The following BCAT1 variants were observed in gnomAD, a reference collection of about 807,000 sequenced individuals.
BCAT1 encodes branched chain amino acid transaminase 1.
BCAT1 carries 48 observed loss-of-function variants against 52.4 expected under a neutral mutation model. That is an observed-to-expected ratio of 0.92 (90% CI 0.73 to 1.16). The LOEUF is 1.16. Ranked by LOEUF, BCAT1 falls within the 50% of genes most tolerant of loss-of-function variation. The probability of loss-of-function intolerance (pLI) is 0.00; values close to 1 mark genes in which losing one functional copy is unlikely to be tolerated. For synonymous variants in BCAT1, 167 were observed against 161.3 expected (o/e 1.04, Z -0.27); for missense variants, 451 against 457.1 (o/e 0.99, Z 0.12).
intron 5 of BCAT1, among the ~76,000 whole-genome samples, chr12:24,866,265 C>A (rs1159032784): frequency 6.6e-6 from 1 of 152,214 alleles, no homozygotes; most frequent in Non-Finnish European, 1.5e-5. Context: ...CAGTGCTGGC[C>A]CACCGGCGCC....
intron 1 of BCAT1, among the ~76,000 whole-genome samples, chr12:24,925,354 G>A (rs771600330): frequency 5.9e-5 from 9 of 151,898 alleles, no homozygotes; most frequent in African/African-American, 1.2e-4. Flanking sequence ...CTTGCCCTAT[G>A]GATTTCAGAC....
intron 1 of BCAT1, among the ~76,000 whole-genome samples, chr12:24,936,292 G>A (rs1202349566): frequency 6.6e-6 from 1 of 152,196 alleles, no homozygotes; most frequent in African/African-American, 2.4e-5. Context: ...GAGTGCAGTG[G>A]CACAATCTTA....
chr12:24,917,590 C>G (rs1172591418), intron 1 of BCAT1, among the ~76,000 whole-genome samples: 1 of 151,792 alleles, frequency 6.6e-6, no homozygotes, highest in African/African-American at 2.4e-5. Context: ...CTTGAATACA[C>G]AGCACTTCAG....
chr12:24,903,222 C>A, intron 1 of BCAT1: 1 of 927,248 alleles, frequency 1.1e-6, no homozygotes, highest in Non-Finnish European at 1.4e-6. Context: ...TCGCTAAAAC[C>A]GAAGCGGTTG....
chr12:24,916,791 G>A (rs1218065003), intron 1 of BCAT1, among the ~76,000 whole-genome samples: 2 of 152,082 alleles, frequency 1.3e-5, no homozygotes, highest in Non-Finnish European at 2.9e-5. Context: ...CACCGGCCTC[G>A]CCCTCCCAAG....
At chr12:24,849,658 T>C in intron 6 of BCAT1, 128 bp downstream of exon 6, 1 of 1,098,868 alleles carries the variant, frequency 9.1e-7, no homozygotes, top group Non-Finnish European at 1.3e-6. Flanking sequence ...AAACTGAAAA[T>C]TAACCATGAA....
In BCAT1 at chr12:24,943,740, C is replaced by T. The variant is rs367860093; in HGVS notation, c.6+5187G>A. On this transcript the variant is annotated intron_variant, in intron 1 of 10. Coordinates refer to ENST00000261192, the MANE Select transcript of BCAT1 (RefSeq NM_005504.7). ...TGGCTCACGCCTGTAATCCCAGCAC[C>T]TTGGGTGGCCGAGGCGGGCAGATCA... 1.6e-3 allele frequency among the ~76,000 whole-genome samples: 247 copies of T among 152,152 alleles called. 1 individual carries two copies. The East Asian group carries it at 0.017, about 11-fold the overall frequency.
chr12:24,887,275 G>C (rs1205297357), intron 3 of BCAT1, among the ~76,000 whole-genome samples: 1 of 151,096 alleles, frequency 6.6e-6, no homozygotes, highest in African/African-American at 2.4e-5. Flanking sequence ...AACTGGGATG[G>C]GAACAGATAT....
intron 2 of BCAT1, among the ~76,000 whole-genome samples, chr12:24,897,172 CACAAA>C (rs780429404): frequency 3.9e-5 from 6 of 152,022 alleles, no homozygotes; most frequent in Non-Finnish European, 7.4e-5. Context: ...GGTAGTAAAA[CACAAA>C]ACAAAAACAG....
At position 24,901,445 on chromosome 12, in the gene BCAT1, A is replaced by T. The variant is rs186828110; in HGVS notation, c.78+369T>A. Reference sequence around the variant, plus strand: ...GAAGAAAATGCAACACTTTCACTGTAGAGTGTTATGTGCTACTGAAAGAGA... The same window carrying T: ...GAAGAAAATGCAACACTTTCACTGTTGAGTGTTATGTGCTACTGAAAGAGA... On this transcript the variant is annotated intron_variant, in intron 2 of 10. Coordinates refer to ENST00000261192, the MANE Select transcript of BCAT1 (RefSeq NM_005504.7). Among the ~76,000 whole-genome samples the T allele has an allele frequency of 3.6e-3, 540 of 151,626 alleles. 12 individuals are homozygous for T. The highest frequency in any genetic ancestry group is 0.021 in the East Asian group (111 of 5,190).
At position 24,812,993 on chromosome 12, in the gene BCAT1, T is replaced by C. The variant is rs557934783; in HGVS notation, c.*5015A>G. The C allele has an allele frequency of 1.3e-5, 2 of 152,132 alleles. No homozygotes were observed. Among genetic ancestry groups the C allele is most frequent in the African/African-American group, 2.4e-5 (1 of 41,568 alleles). The allele number at this position is 152,132 out of a possible 1,614,324, so 9.4% of individuals were successfully genotyped here. On this transcript the variant is annotated 3_prime_UTR_variant, in exon 11 of 11. Transcript: ENST00000261192. Reference sequence around the variant, plus strand: ...CACTTTCAGACAGAATAAGATGACTTAAAACTTCAATACTTGTATCCAGCA... The same window carrying C: ...CACTTTCAGACAGAATAAGATGACTCAAAACTTCAATACTTGTATCCAGCA...
In BCAT1 at chr12:24,812,959, T is replaced by G. The variant is rs376960012; in HGVS notation, c.*5049A>C. 1 of 152,112 alleles carries G rather than the reference T, an allele frequency of 6.6e-6. No homozygotes were observed. The highest frequency in any genetic ancestry group is 2.1e-4 in the South Asian group (1 of 4,818). 9.4% of individuals were successfully genotyped at this position (152,112 alleles called of 1,614,324 possible). ...CTTGTTGATTGGGTCTATTGTAGAA[T>G]GAAAAATACACTTTCAGACAGAATA... On this transcript the variant is annotated 3_prime_UTR_variant, in exon 11 of 11. Transcript: ENST00000261192.
At chr12:24,907,749 T>C (rs1943249532) in intron 1 of BCAT1, among the ~76,000 whole-genome samples, 1 of 152,216 alleles carries the variant, frequency 6.6e-6, no homozygotes, top group Admixed American at 6.5e-5. Flanking sequence ...ATGTACTTTG[T>C]AAGATCCATC....
chr12:24,837,096 A>AGAAAGGAAGG (rs1941002244), intron 7 of BCAT1, among the ~76,000 whole-genome samples: 1 of 94,914 alleles, frequency 1.1e-5, no homozygotes, highest in Non-Finnish European at 2.3e-5. Context: ...AGGGAGGGAG[A>AGAAAGGAAGG]AAGGAAGGAA....
intron 5 of BCAT1, among the ~76,000 whole-genome samples, chr12:24,868,291 G>A (rs1280552421): frequency 2.0e-5 from 3 of 151,786 alleles, no homozygotes; most frequent in Non-Finnish European, 4.4e-5. Context: ...AATTCAGTAC[G>A]GTACATATGT....
upstream of BCAT1, chr12:24,949,144 G>C (rs1428991332): frequency 1.0e-5 from 6 of 586,530 alleles, no homozygotes; most frequent in Non-Finnish European, 1.8e-5. Flanking sequence ...CTAGCGGATT[G>C]CATCAGCAGG....
intron 3 of BCAT1, among the ~76,000 whole-genome samples, chr12:24,889,202 C>A (rs1188263642): frequency 6.6e-6 from 1 of 152,206 alleles, no homozygotes; most frequent in African/African-American, 2.4e-5. Context: ...ACCTCCACTC[C>A]TAAACTCCTC....
intron 2 of BCAT1, among the ~76,000 whole-genome samples, chr12:24,899,873 C>T (rs1247062438): frequency 1.3e-5 from 2 of 150,268 alleles, no homozygotes; most frequent in African/African-American, 4.9e-5. Flanking sequence ...AGAGAGTACT[C>T]ATAGAATGAT....
intron 10 of BCAT1, among the ~76,000 whole-genome samples, chr12:24,818,291 A>G (rs1209262006): frequency 6.6e-6 from 1 of 152,210 alleles, no homozygotes; most frequent in East Asian, 1.9e-4. Context: ...AAATACCTGA[A>G]AAGAATTACA....
Sources: gnomAD v4.1 joint callset for allele counts (sites outside exome capture counted in the v4.1 genomes callset) on GRCh38, gnomAD v4.1.1 for gene constraint, MANE v1.5 for transcripts, NCBI Gene and HGNC (gene_info 2026-07-23, HGNC 2026-07-21) for gene names.